The following PPHLN1 variants were observed in gnomAD, a reference collection of about 807,000 sequenced individuals.
PPHLN1 encodes periphilin-1.
Under a neutral mutation model 51.3 loss-of-function variants are expected in PPHLN1, and 29 were observed. The observed-to-expected ratio is 0.57, with a 90% CI of 0.42 to 0.77. PPHLN1 has a LOEUF of 0.77. PPHLN1 is among the 30% of genes least tolerant of loss of function. PPHLN1 has a pLI of 0.00. For missense variants in PPHLN1, 436 were observed against 438.4 expected, an observed-to-expected ratio of 0.99 and a Z score of 0.05; for synonymous variants, 147 against 147.8, an observed-to-expected ratio of 0.99 and a Z score of 0.04.
At chr12:42,445,695 G>A (rs975189336), downstream of PPHLN1, 15 of 299,340 alleles carry the variant, frequency 5.0e-5, no homozygotes, top group African/African-American at 2.2e-4. Context: ...AGGACAGGCC[G>A]TAGTAGAACG....
At chr12:42,334,653 T>C (rs1399443389) in intron 1 of PPHLN1, among the ~76,000 whole-genome samples, 1 of 152,238 alleles carries the variant, frequency 6.6e-6, no homozygotes, top group African/African-American at 2.4e-5. Flanking sequence ...TCTTCACATA[T>C]CTGTGCCCTA....
At chr12:42,428,185 A>G (rs535689186) in intron 9 of PPHLN1, among the ~76,000 whole-genome samples, 1 of 152,352 alleles carries the variant, frequency 6.6e-6, no homozygotes, top group Non-Finnish European at 1.5e-5. Context: ...TACAGCCATT[A>G]TGGAAAACGG....
intron 2 of PPHLN1, among the ~76,000 whole-genome samples, chr12:42,345,185 G>A (rs918813603): frequency 6.6e-6 from 1 of 152,046 alleles, no homozygotes; most frequent in African/African-American, 2.4e-5. Context: ...TGGAAAACTA[G>A]GTATTTTATT....
At chr12:42,445,523 A>G (rs2083264656), downstream of PPHLN1, 3 of 193,028 alleles carry the variant, frequency 1.6e-5, no homozygotes, top group East Asian at 1.5e-4. Flanking sequence ...CTCTTCCTGG[A>G]AAGTCCACCC....
downstream of PPHLN1, chr12:42,448,512 A>G (rs544687999): frequency 1.3e-5 from 2 of 152,298 alleles, no homozygotes; most frequent in Admixed American, 1.3e-4. Flanking sequence ...GATGTGATAA[A>G]ATTTTCATTG....
chr12:42,432,165 A>G (rs781290942), intron 9 of PPHLN1: 36 of 889,614 alleles, frequency 4.0e-5, no homozygotes, highest in Non-Finnish European at 6.6e-5. Flanking sequence ...ATCTTCTTCA[A>G]TGACCAATCA....
Position 42,404,297 on chromosome 12 carries a change from G to A in PPHLN1, c.909+5303G>A, listed in dbSNP as rs137990479. 9.9e-4 allele frequency among the ~76,000 whole-genome samples: 151 copies of A among 151,886 alleles called. 5 individuals carry two copies. The East Asian group carries it at 0.026, about 26-fold the overall frequency. On this transcript the variant is annotated intron_variant, in intron 9 of 9. Transcript: ENST00000358314. ...TAATCCCAGCACTTTGGGGGGCCCA[G>A]GCGGGTGGATCACTTGAGGCCAGGA... is the stretch of plus-strand genomic sequence containing the variant.
At chr12:42,374,471 G>A (rs1453482724) in intron 4 of PPHLN1, among the ~76,000 whole-genome samples, 3 of 151,614 alleles carry the variant, frequency 2.0e-5, no homozygotes, top group Non-Finnish European at 2.9e-5. Flanking sequence ...AGACAGTCTC[G>A]CTCTGTTGCC....
chr12:42,426,111 C>T (rs758262402), intron 9 of PPHLN1, among the ~76,000 whole-genome samples: 2 of 150,384 alleles, frequency 1.3e-5, no homozygotes, highest in Admixed American at 1.3e-4. Flanking sequence ...AAATAATCCA[C>T]GTTTCAAATT....
intron 9 of PPHLN1, among the ~76,000 whole-genome samples, chr12:42,434,253 G>A (rs1039298976): frequency 3.0e-4 from 46 of 152,276 alleles, no homozygotes; most frequent in Middle Eastern, 3.4e-3. Context: ...GGACACAAGC[G>A]GGGGAACAAC....
downstream of PPHLN1, chr12:42,448,129 T>C (rs933272467): frequency 6.6e-6 from 1 of 152,392 alleles, no homozygotes; most frequent in Non-Finnish European, 1.5e-5. Context: ...TTAGTCAAGA[T>C]GTCACAAGTT....
At chr12:42,365,892 C>A (rs537098814) in intron 4 of PPHLN1, among the ~76,000 whole-genome samples, 1 of 152,114 alleles carries the variant, frequency 6.6e-6, no homozygotes, top group Non-Finnish European at 1.5e-5. Flanking sequence ...TTTGATTCAT[C>A]GTATAGTTCA....
intron 2 of PPHLN1, among the ~76,000 whole-genome samples, chr12:42,348,150 G>GTGCAGTGGTGGAGCTCAGCT (rs1431432812): frequency 1.2e-3 from 178 of 151,632 alleles, no homozygotes; most frequent in African/African-American, 4.2e-3. Flanking sequence ...TTGCTCTGTT[G>GTGCAGTGGTGGAGCTCAGCT]CCCCAGCTGG....
chr12:42,399,780 A>G (rs1253532305), intron 9 of PPHLN1: 2 of 152,244 alleles, frequency 1.3e-5, no homozygotes, highest in Non-Finnish European at 2.9e-5. Context: ...CTAATGTGAA[A>G]AGATAAGAAC....
intron 3 of PPHLN1, 54 bp downstream of exon 3, chr12:42,352,103 A>G: frequency 3.7e-6 from 5 of 1,340,170 alleles, no homozygotes; most frequent in Non-Finnish European, 4.8e-6. Flanking sequence ...TTTAAAATTA[A>G]TGTAATTTAA....
intron 4 of PPHLN1, among the ~76,000 whole-genome samples, chr12:42,362,978 T>G (rs1255348857): frequency 6.6e-6 from 1 of 152,158 alleles, no homozygotes; most frequent in Admixed American, 6.5e-5. Context: ...GTTCCTTAAG[T>G]TCAGTGTTCC....
At position 42,385,104 on chromosome 12, in the gene PPHLN1, G is replaced by A. The variant is rs1200566576; in HGVS notation, c.568+108G>A. The A allele has an allele frequency of 5.8e-6, 7 of 1,212,392 alleles. No homozygotes were observed. The African/African-American group carries it at 9.0e-5, about 16-fold the overall frequency. The allele number at this position is 1,212,392 out of a possible 1,614,324, so 75.1% of individuals were successfully genotyped here. A position where few individuals can be genotyped will look rare whatever the true frequency, so the allele number is the denominator to read the frequency against. Reference sequence around the variant, plus strand: ...TGTATAACTGCTCCATTAGTCTATTGTGAGAACCACAGTTAGCAGTAGACC... The same window carrying A: ...TGTATAACTGCTCCATTAGTCTATTATGAGAACCACAGTTAGCAGTAGACC... On this transcript the variant is annotated intron_variant, in intron 6 of 9. Coordinates refer to ENST00000358314, the MANE Select transcript of PPHLN1 (RefSeq NM_201439.2).
chr12:42,354,307 C>T lies in PPHLN1; in HGVS notation c.238-854C>T, dbSNP rs182087941. 1.7e-3 allele frequency among the ~76,000 whole-genome samples: 257 copies of T among 152,308 alleles called. 1 individual carries two copies. The highest frequency in any genetic ancestry group is 5.8e-3 in the African/African-American group (242 of 41,566). ...GAACTTGGCTCAGTACAACCTCCGG[C>T]TCTTGGGTTCAAGTAATTCTCCTGC... On this transcript the variant is annotated intron_variant, in intron 3 of 9. Transcript: ENST00000358314.
chr12:42,344,789 A>G (rs2072039204), intron 2 of PPHLN1, among the ~76,000 whole-genome samples: 1 of 150,042 alleles, frequency 6.7e-6, no homozygotes, highest in African/African-American at 2.5e-5. Flanking sequence ...GCTCACTGCA[A>G]CCTCTGCCTC....
Sources: allele counts gnomAD v4.1 joint callset (sites outside exome capture counted in the v4.1 genomes callset), GRCh38; gene constraint gnomAD v4.1.1; transcripts MANE v1.5; gene names NCBI Gene and HGNC (gene_info 2026-07-23, HGNC 2026-07-21).